DNAH5: variants seen among roughly 807,000 people sequenced by gnomAD.
DNAH5 encodes the protein axonemal beta dynein heavy chain 5.
DNAH5 carries 372 observed loss-of-function variants against 518.2 expected under a neutral mutation model. That is an observed-to-expected ratio of 0.72 (90% CI 0.66 to 0.78). DNAH5 has a LOEUF of 0.78. Ranked by LOEUF, DNAH5 falls within the 30% of genes least tolerant of loss-of-function variation. The pLI, the probability that DNAH5 is intolerant of heterozygous loss-of-function variation, is 0.00. For synonymous variants in DNAH5, 2,039 were observed against 2,025.9 expected (o/e 1.01, Z -0.17); for missense variants, 5,523 against 5,687.0 (o/e 0.97, Z 0.93).
chr5:13,829,387 C>A, intron 38 of DNAH5, 123 bp downstream of exon 38: 2 of 898,234 alleles, frequency 2.2e-6, no homozygotes, highest in Non-Finnish European at 3.5e-6. Flanking sequence ...ATACACCTTT[C>A]TACTCAGTGT....
At chr5:13,714,995 A>G (rs1452587900) in intron 74 of DNAH5, among the ~76,000 whole-genome samples, 1 of 152,216 alleles carries the variant, frequency 6.6e-6, no homozygotes, top group Non-Finnish European at 1.5e-5. Context: ...AATGGTTATT[A>G]TGTTTAGAAG....
At chr5:13,890,914 G>A in intron 17 of DNAH5, 62 bp downstream of exon 17, 3 of 1,591,916 alleles carry the variant, frequency 1.9e-6, no homozygotes, top group Non-Finnish European at 2.6e-6. Flanking sequence ...TCAAAAAAGT[G>A]ACCTTTATAG....
At chr5:14,005,148 C>T (rs1013408734) in intron 1 of DNAH5, among the ~76,000 whole-genome samples, 2 of 152,162 alleles carry the variant, frequency 1.3e-5, no homozygotes, top group Admixed American at 1.3e-4. Flanking sequence ...CAGTGGCAAG[C>T]CCTCTATTCC....
chr5:13,780,265 G>A (rs1207901168), intron 53 of DNAH5, among the ~76,000 whole-genome samples: 7 of 152,160 alleles, frequency 4.6e-5, no homozygotes, highest in Non-Finnish European at 8.8e-5. Context: ...AATAGGATTT[G>A]GTCTGCATGT....
At chr5:13,989,165 T>C (rs556102301) in intron 1 of DNAH5, among the ~76,000 whole-genome samples, 2 of 152,036 alleles carry the variant, frequency 1.3e-5, no homozygotes, top group Non-Finnish European at 2.9e-5. Context: ...AGAATGGAAG[T>C]GAAGTGTAGG....
intron 50 of DNAH5, among the ~76,000 whole-genome samples, chr5:13,789,951 G>A (rs1194778189): frequency 6.6e-6 from 1 of 151,920 alleles, no homozygotes; most frequent in African/African-American, 2.4e-5. Flanking sequence ...ATGAAAAGAA[G>A]CTCAACATCA....
chr5:13,786,238 T>C lies in DNAH5; in HGVS notation c.8761A>G (p.Ile2921Val). 7 of 1,614,100 alleles carry C rather than the reference T, an allele frequency of 4.3e-6. No homozygotes were observed. Among genetic ancestry groups the C allele is most frequent in the Non-Finnish European group, 5.9e-6 (7 of 1,180,010 alleles). The change falls in exon 52 of 79, where the codon ATC becomes GTC. Residue 2921 changes from isoleucine to valine, a missense_variant. Ile to Val is a conservative substitution (Grantham distance 29). This residue lies in a region of DNAH5 where 5,121 missense variants were observed against 5,223.3 expected (regional missense o/e 0.98). Coordinates refer to ENST00000265104, the MANE Select transcript of DNAH5 (RefSeq NM_001369.3). Reference sequence around the variant, plus strand: ...ACCATGTCCATGCCGGCGCCACGGATGCTCTCATTATAGAGCTGCAGGAAC... The same window carrying C: ...ACCATGTCCATGCCGGCGCCACGGACGCTCTCATTATAGAGCTGCAGGAAC... Reference protein sequence around the residue: ...NMFLQLYNESIRGAGMDMVFF... With the variant: ...NMFLQLYNESVRGAGMDMVFF...
intron 61 of DNAH5, 124 bp downstream of exon 61, chr5:13,758,722 G>T: frequency 7.3e-7 from 1 of 1,369,774 alleles, no homozygotes; most frequent in South Asian, 1.2e-5. Context: ...AAGACCCTTG[G>T]TGTCCATTAT....
At chr5:13,964,866 G>C (rs1404115510) in intron 1 of DNAH5, among the ~76,000 whole-genome samples, 3 of 152,180 alleles carry the variant, frequency 2.0e-5, no homozygotes, top group Non-Finnish European at 4.4e-5. Context: ...TTGGGCCCCA[G>C]GACCCTTTGT....
intron 15 of DNAH5, chr5:13,898,332 C>T: frequency 5.3e-6 from 2 of 375,952 alleles, no homozygotes; most frequent in Non-Finnish European, 4.7e-6. Context: ...ATCAGTAATT[C>T]CATAATCTTA....
At chr5:13,857,348 C>T (rs1767773024) in intron 30 of DNAH5, among the ~76,000 whole-genome samples, 1 of 152,072 alleles carries the variant, frequency 6.6e-6, no homozygotes, top group South Asian at 2.1e-4. Flanking sequence ...AACCACTGCT[C>T]AAGGAAATAA....
chr5:13,860,060 C>G (rs1051910966), intron 29 of DNAH5, among the ~76,000 whole-genome samples: 7 of 152,158 alleles, frequency 4.6e-5, no homozygotes, highest in Admixed American at 4.6e-4. Context: ...CACCTGGACT[C>G]TCTCCTTAGC....
At chr5:14,002,611 T>G (rs181724480) in intron 1 of DNAH5, among the ~76,000 whole-genome samples, 1 of 145,156 alleles carries the variant, frequency 6.9e-6, no homozygotes. Flanking sequence ...ATTATAAACA[T>G]AGATCCATAT....
At chr5:13,952,941 G>C (rs1340135979) in intron 1 of DNAH5, among the ~76,000 whole-genome samples, 1 of 152,126 alleles carries the variant, frequency 6.6e-6, no homozygotes, top group African/African-American at 2.4e-5. Context: ...TTCAGTATTT[G>C]ACCTTTCTTA....
chr5:13,779,299 G>A (rs1754730738), intron 53 of DNAH5, among the ~76,000 whole-genome samples: 1 of 152,142 alleles, frequency 6.6e-6, no homozygotes, highest in African/African-American at 2.4e-5. Context: ...CCCAGTACTT[G>A]AATAAAACAG....
chr5:13,761,657 T>C (rs1751805325), intron 60 of DNAH5, among the ~76,000 whole-genome samples: 1 of 151,938 alleles, frequency 6.6e-6, no homozygotes, highest in Non-Finnish European at 1.5e-5. Context: ...ATGACTGTAC[T>C]TTTCACTTGA....
At chr5:13,846,399 A>G (rs938022652) in intron 31 of DNAH5, among the ~76,000 whole-genome samples, 3 of 152,184 alleles carry the variant, frequency 2.0e-5, no homozygotes, top group Non-Finnish European at 4.4e-5. Context: ...AGCAGAATTC[A>G]CTTTCTAGGA....
chr5:13,727,415 T>C (rs1745896515), intron 70 of DNAH5, 92 bp downstream of exon 70: 1 of 1,268,868 alleles, frequency 7.9e-7, no homozygotes, highest in Non-Finnish European at 1.1e-6. Flanking sequence ...AAATTCTCAC[T>C]GGAATTCACA....
chr5:13,961,014 A>G (rs1190044403), intron 1 of DNAH5, among the ~76,000 whole-genome samples: 2 of 151,952 alleles, frequency 1.3e-5, no homozygotes, highest in Non-Finnish European at 2.9e-5. Context: ...TCTTTCCCCA[A>G]CCTCCAAGGG....
Sources: allele counts gnomAD v4.1 joint callset (sites outside exome capture counted in the v4.1 genomes callset), GRCh38; gene constraint gnomAD v4.1.1; regional missense constraint gnomAD v4.1.1; transcripts MANE v1.5; gene names NCBI Gene and HGNC (gene_info 2026-07-23, HGNC 2026-07-21).